The following CSMD1 variants were observed in gnomAD, a reference collection of about 807,000 sequenced individuals.
The protein encoded by CSMD1 is CUB and sushi domain-containing protein 1.
A neutral mutation model predicts 417.5 loss-of-function variants in CSMD1; 213 were observed. That is an observed-to-expected ratio of 0.51 (90% CI 0.46 to 0.57). CSMD1 has a LOEUF of 0.57. Among genes scored for constraint, CSMD1 ranks in the 20% least tolerant of loss-of-function variants. The probability of loss-of-function intolerance (pLI) is 0.00; values close to 1 mark genes in which losing one functional copy is unlikely to be tolerated. For missense variants in CSMD1, 6,923 were observed against 4,529.7 expected (o/e 1.53, Z -15.17); for synonymous variants, 2,862 against 1,736.8 (o/e 1.65, Z -16.11).
chr8:4,474,491 G>T (rs1480738351), intron 2 of CSMD1, among the ~76,000 whole-genome samples: 2 of 152,156 alleles, frequency 1.3e-5, no homozygotes, highest in Admixed American at 6.5e-5. Context: ...GTTGCTAAGG[G>T]CTGCAGTCTT....
intron 7 of CSMD1, among the ~76,000 whole-genome samples, chr8:3,653,056 A>G (rs1797938244): frequency 6.6e-6 from 1 of 152,170 alleles, no homozygotes; most frequent in Non-Finnish European, 1.5e-5. Context: ...CTATCAGAAA[A>G]CAGCACTCAG....
chr8:3,651,237 G>T (rs917009604), intron 7 of CSMD1, among the ~76,000 whole-genome samples: 3 of 152,106 alleles, frequency 2.0e-5, no homozygotes, highest in East Asian at 1.9e-4. Context: ...AAGACAGATC[G>T]TATCACCCCT....
chr8:4,447,462 T>C (rs1798881225), intron 2 of CSMD1, among the ~76,000 whole-genome samples: 1 of 152,220 alleles, frequency 6.6e-6, no homozygotes, highest in African/African-American at 2.4e-5. Context: ...TTTATATTAT[T>C]CATAGACAGT....
At chr8:4,514,189 C>T (rs1802988211) in intron 2 of CSMD1, among the ~76,000 whole-genome samples, 1 of 152,142 alleles carries the variant, frequency 6.6e-6, no homozygotes, top group Admixed American at 6.6e-5. Context: ...CACCTTCTTA[C>T]CGTGTCCTCA....
At chr8:3,954,343 C>A (rs1312256943) in intron 5 of CSMD1, among the ~76,000 whole-genome samples, 1 of 151,952 alleles carries the variant, frequency 6.6e-6, no homozygotes, top group Non-Finnish European at 1.5e-5. Flanking sequence ...AGGTCAAGAG[C>A]CATTTAACTG....
chr8:4,371,966 T>A (rs1013384993), intron 3 of CSMD1, among the ~76,000 whole-genome samples: 7 of 152,176 alleles, frequency 4.6e-5, no homozygotes, highest in Non-Finnish European at 1.0e-4. Context: ...TATAAACTCA[T>A]TGCCGTGATG....
intron 3 of CSMD1, among the ~76,000 whole-genome samples, chr8:4,376,086 A>G (rs1788466981): frequency 6.6e-6 from 1 of 152,268 alleles, no homozygotes; most frequent in African/African-American, 2.4e-5. Context: ...ATAATTTAAT[A>G]TATCATAACT....
At chr8:4,926,101 A>G (rs1486840858) in intron 1 of CSMD1, among the ~76,000 whole-genome samples, 2 of 152,258 alleles carry the variant, frequency 1.3e-5, no homozygotes, top group African/African-American at 2.4e-5. Flanking sequence ...TGTTTTTATT[A>G]AAAGAACATA....
chr8:3,367,020 A>C lies in CSMD1; in HGVS notation c.3115+12T>G, dbSNP rs1171893708. 3.1e-6 allele frequency: 5 copies of C among 1,604,602 alleles called. No homozygotes were observed. The East Asian group carries it at 6.7e-5, about 22-fold the overall frequency. Reference sequence around the variant, plus strand: ...TGCCAGAGGAGAGAAACAGCAAACAAGACCAACATACCTGAAAATGTGATA... The same window carrying C: ...TGCCAGAGGAGAGAAACAGCAAACACGACCAACATACCTGAAAATGTGATA... On this transcript the variant is annotated intron_variant, in intron 20 of 69. Coordinates refer to ENST00000635120, the MANE Select transcript of CSMD1 (RefSeq NM_033225.6).
intron 1 of CSMD1, among the ~76,000 whole-genome samples, chr8:4,735,908 G>C (rs1286453132): frequency 1.3e-5 from 2 of 152,166 alleles, no homozygotes; most frequent in African/African-American, 4.8e-5. Flanking sequence ...GAGATTTACT[G>C]ATGAGCAGGT....
At chr8:3,976,502 A>T (rs559169942) in intron 5 of CSMD1, among the ~76,000 whole-genome samples, 1 of 152,322 alleles carries the variant, frequency 6.6e-6, no homozygotes, top group East Asian at 1.9e-4. Context: ...AACGCTTAAT[A>T]AATATTTGTT....
chr8:4,943,143 C>G (rs1271613807), intron 1 of CSMD1, among the ~76,000 whole-genome samples: 1 of 152,118 alleles, frequency 6.6e-6, no homozygotes, highest in Non-Finnish European at 1.5e-5. Flanking sequence ...AATTTCACTT[C>G]TAATCAGTTA....
intron 11 of CSMD1, among the ~76,000 whole-genome samples, chr8:3,472,804 G>GA (rs1179386319): frequency 2.6e-5 from 4 of 151,960 alleles, no homozygotes; most frequent in African/African-American, 9.7e-5. Context: ...GTCAAAACAT[G>GA]AAATACCTGC....
chr8:3,993,376 T>G (rs1428544727), intron 5 of CSMD1, among the ~76,000 whole-genome samples: 1 of 152,186 alleles, frequency 6.6e-6, no homozygotes, highest in Non-Finnish European at 1.5e-5. Flanking sequence ...AGAAATTAAA[T>G]AGACACCAAG....
intron 52 of CSMD1, among the ~76,000 whole-genome samples, chr8:3,003,265 T>C (rs1807573627): frequency 6.6e-6 from 1 of 152,220 alleles, no homozygotes; most frequent in Admixed American, 6.5e-5. Flanking sequence ...TTGAGCTCTA[T>C]TTTAAATTTA....
At chr8:4,446,767 G>C (rs199577052) in intron 2 of CSMD1, among the ~76,000 whole-genome samples, 1,750 of 101,814 alleles carry the variant, frequency 0.017, 24 homozygotes, top group African/African-American at 0.073. Flanking sequence ...GTGTGTGTGT[G>C]TGTGTGTGTG....
intron 5 of CSMD1, among the ~76,000 whole-genome samples, chr8:3,938,326 G>GA (rs1049919239): frequency 6.6e-6 from 1 of 152,080 alleles, no homozygotes; most frequent in Non-Finnish European, 1.5e-5. Flanking sequence ...TGTTTTGGAA[G>GA]AAAAAAGCAT....
At chr8:4,084,188 T>C (rs1226632394) in intron 3 of CSMD1, among the ~76,000 whole-genome samples, 2 of 152,200 alleles carry the variant, frequency 1.3e-5, no homozygotes, top group African/African-American at 4.8e-5. Flanking sequence ...TTTTAAAATG[T>C]ATTTTTTCCT....
intron 4 of CSMD1, among the ~76,000 whole-genome samples, chr8:4,010,289 C>T (rs969494779): frequency 6.6e-6 from 1 of 152,064 alleles, no homozygotes; most frequent in Non-Finnish European, 1.5e-5. Context: ...GAGTCTCTTG[C>T]CATAATAATC....
Sources: allele counts gnomAD v4.1 joint callset (sites outside exome capture counted in the v4.1 genomes callset), GRCh38; gene constraint gnomAD v4.1.1; transcripts MANE v1.5; gene names NCBI Gene and HGNC (gene_info 2026-07-23, HGNC 2026-07-21).